The following IL1RAPL2 variants were observed in gnomAD, a reference collection of about 807,000 sequenced individuals.
IL1RAPL2 encodes the protein interleukin 1 receptor accessory protein like 2.
Under a neutral mutation model 44.1 loss-of-function variants are expected in IL1RAPL2, and 3 were observed. The ratio of observed to expected loss-of-function variants is 0.07; its 90% CI spans 0.03 to 0.18. IL1RAPL2 has a LOEUF of 0.18. IL1RAPL2 is among the 10% of genes least tolerant of loss of function. The pLI, the probability that IL1RAPL2 is intolerant of heterozygous loss-of-function variation, is 1.00. For synonymous variants in IL1RAPL2, 181 were observed against 178.8 expected (o/e 1.01, Z -0.10); for missense variants, 391 against 496.4 (o/e 0.79, Z 2.02).
chrX:105,654,280 C>T lies in IL1RAPL2; in HGVS notation c.773-63087C>T, dbSNP rs768592926. Among the ~76,000 whole-genome samples, 106 of 110,754 alleles carry T rather than the reference C, an allele frequency of 9.6e-4. No homozygotes were observed. In the Middle Eastern group the frequency reaches 0.019, roughly 20 times the overall value. The stretch of plus-strand genomic sequence containing the variant: ...AAGATAGAAATTAGGTCTCCCTCTC[C>T]TCTACCCAAATGGAGGAATAAGAGC... On this transcript the variant is annotated intron_variant, in intron 6 of 10. Transcript: ENST00000372582.
At chrX:104,870,911 T>C (rs1382761163) in intron 2 of IL1RAPL2, among the ~76,000 whole-genome samples, 1 of 111,358 alleles carries the variant, frequency 9.0e-6, no homozygotes, top group Non-Finnish European at 1.9e-5. Flanking sequence ...TTATCTCTTA[T>C]TGGTAAGTGA....
chrX:104,760,020 T>A (rs1350189047), intron 2 of IL1RAPL2, among the ~76,000 whole-genome samples: 2 of 111,833 alleles, frequency 1.8e-5, no homozygotes, highest in Non-Finnish European at 3.8e-5. Context: ...GATTTTTAGA[T>A]CCCACAAATA....
intron 2 of IL1RAPL2, among the ~76,000 whole-genome samples, chrX:104,774,538 G>A (rs1932688824): frequency 9.0e-6 from 1 of 111,534 alleles, no homozygotes; most frequent in Non-Finnish European, 1.9e-5. Context: ...GATAGAATGT[G>A]GATTTAGCTT....
At chrX:104,757,753 A>G (rs1465592911) in intron 2 of IL1RAPL2, among the ~76,000 whole-genome samples, 1 of 111,595 alleles carries the variant, frequency 9.0e-6, no homozygotes, top group African/African-American at 3.3e-5. Flanking sequence ...TTTAATGAAA[A>G]TGGATTGCCT....
intron 2 of IL1RAPL2, among the ~76,000 whole-genome samples, chrX:105,036,430 A>G (rs776798291): frequency 8.9e-6 from 1 of 112,252 alleles, no homozygotes; most frequent in South Asian, 3.7e-4. Flanking sequence ...TAGAGTTTCC[A>G]AGGCCAACGA....
At chrX:104,840,343 G>C (rs1323984095) in intron 2 of IL1RAPL2, among the ~76,000 whole-genome samples, 2 of 112,030 alleles carry the variant, frequency 1.8e-5, no homozygotes, top group Admixed American at 9.5e-5. Context: ...TTCAGGAGCA[G>C]GTTGTTCAAT....
intron 5 of IL1RAPL2, among the ~76,000 whole-genome samples, chrX:105,351,956 T>C (rs2035159035): frequency 8.9e-6 from 1 of 111,807 alleles, no homozygotes; most frequent in Non-Finnish European, 1.9e-5. Context: ...TTTTATTTTT[T>C]ATTTTTTCTG....
intron 1 of IL1RAPL2, among the ~76,000 whole-genome samples, chrX:104,619,214 A>T (rs1430914283): frequency 8.9e-6 from 1 of 112,338 alleles, no homozygotes; most frequent in Non-Finnish European, 1.9e-5. Context: ...TCATGCTGCC[A>T]GGTTGCCACA....
intron 4 of IL1RAPL2, among the ~76,000 whole-genome samples, chrX:105,237,076 A>G (rs1409976743): frequency 9.0e-6 from 1 of 110,991 alleles, no homozygotes; most frequent in African/African-American, 3.3e-5. Context: ...ATTCCCACCT[A>G]TGAGTGAGAA....
At chrX:104,591,625 C>CTT (rs35851660) in intron 1 of IL1RAPL2, among the ~76,000 whole-genome samples, 1 of 83,221 alleles carries the variant, frequency 1.2e-5, no homozygotes, top group African/African-American at 4.3e-5. Context: ...CCTTCTGTGG[C>CTT]TTTTTTTTTT....
At chrX:104,877,161 G>T (rs1397601765) in intron 2 of IL1RAPL2, among the ~76,000 whole-genome samples, 3 of 111,253 alleles carry the variant, frequency 2.7e-5, no homozygotes, top group Non-Finnish European at 5.7e-5. Flanking sequence ...CCAAGTCTTT[G>T]CTATTGTGAA....
At position 105,003,780 on chromosome X, in the gene IL1RAPL2, C is replaced by T. The variant is rs889525792; in HGVS notation, c.83-191695C>T. ...TATTTTTCTCTTCGTTTCTGTCTTCCCCATTCCCCACCTCCAGGCCCCACA... is the reference window on the plus strand; with the variant it reads ...TATTTTTCTCTTCGTTTCTGTCTTCTCCATTCCCCACCTCCAGGCCCCACA... On this transcript the variant is annotated intron_variant, in intron 2 of 10. Transcript: ENST00000372582. Among the ~76,000 whole-genome samples, 4 of 110,448 alleles carry T rather than the reference C, an allele frequency of 3.6e-5. No individual in the cohort carries two copies. In the East Asian group the frequency reaches 8.6e-4, roughly 24 times the overall value.
chrX:105,020,176 G>A (rs1480248660), intron 2 of IL1RAPL2, among the ~76,000 whole-genome samples: 1 of 109,863 alleles, frequency 9.1e-6, no homozygotes, highest in Non-Finnish European at 1.9e-5. Flanking sequence ...TGGGGGGGAG[G>A]GTCTCACCAT....
At chrX:105,533,197 T>TA (rs1316877750) in intron 6 of IL1RAPL2, among the ~76,000 whole-genome samples, 1 of 110,968 alleles carries the variant, frequency 9.0e-6, no homozygotes, top group Non-Finnish European at 1.9e-5. Context: ...CTCAAAAAAA[T>TA]AAAAAAATAA....
chrX:105,401,147 A>C (rs1485647502), intron 5 of IL1RAPL2, among the ~76,000 whole-genome samples: 1 of 111,705 alleles, frequency 9.0e-6, no homozygotes, highest in Non-Finnish European at 1.9e-5. Context: ...GCCTAATCAC[A>C]TCTTGAAGGT....
intron 6 of IL1RAPL2, among the ~76,000 whole-genome samples, chrX:105,651,394 G>T (rs1437966344): frequency 1.8e-5 from 2 of 111,853 alleles, no homozygotes; most frequent in Non-Finnish European, 3.8e-5. Flanking sequence ...TTACTTTAGA[G>T]ATTATACAAT....
At chrX:104,598,328 C>A (rs1294963933) in intron 1 of IL1RAPL2, among the ~76,000 whole-genome samples, 1 of 111,547 alleles carries the variant, frequency 9.0e-6, no homozygotes, top group Non-Finnish European at 1.9e-5. Flanking sequence ...AGTGTTTGTG[C>A]AGTCATTTTT....
At chrX:104,935,070 G>C (rs1232716197) in intron 2 of IL1RAPL2, among the ~76,000 whole-genome samples, 1 of 111,520 alleles carries the variant, frequency 9.0e-6, no homozygotes, top group Non-Finnish European at 1.9e-5. Flanking sequence ...GCACTTAGGG[G>C]ACACTGTGCC....
intron 5 of IL1RAPL2, among the ~76,000 whole-genome samples, chrX:105,372,712 A>G (rs947542715): frequency 3.6e-5 from 4 of 111,520 alleles, no homozygotes; most frequent in Non-Finnish European, 7.5e-5. Flanking sequence ...GCTCCCACTT[A>G]TAAGTGAGAA....
Sources: gnomAD v4.1 joint callset for allele counts (sites outside exome capture counted in the v4.1 genomes callset) on GRCh38, gnomAD v4.1.1 for gene constraint, MANE v1.5 for transcripts, NCBI Gene and HGNC (gene_info 2026-07-23, HGNC 2026-07-21) for gene names.